The following NFATC1 variants were observed in gnomAD, a reference collection of about 807,000 sequenced individuals.
NFATC1 encodes nuclear factor of activated T-cells, cytoplasmic 1.
NFATC1 carries 22 observed loss-of-function variants against 76.0 expected under a neutral mutation model. The ratio of observed to expected loss-of-function variants is 0.29; its 90% CI spans 0.21 to 0.41. The LOEUF (loss-of-function observed/expected upper bound fraction) is 0.41. Among genes scored for constraint, NFATC1 ranks in the 10% least tolerant of loss-of-function variants. NFATC1 has a pLI of 1.00. For missense variants in NFATC1, 1,357 were observed against 1,337.7 expected, an observed-to-expected ratio of 1.01 and a Z score of -0.23; for synonymous variants, 704 against 613.1, an observed-to-expected ratio of 1.15 and a Z score of -2.19.
In NFATC1 at chr18:79,472,077, G is replaced by T. The variant is rs1345166535; in HGVS notation, c.2092+4495G>T. Among the ~76,000 whole-genome samples, 3 of 152,182 alleles carry T rather than the reference G, an allele frequency of 2.0e-5. 1 individual carries two copies. Among genetic ancestry groups the T allele is most frequent in the Non-Finnish European group, 4.4e-5 (3 of 68,028 alleles). ...GGCATCGGAGAGGTGTTGGTACAGA[G>T]GGAGCCGGGGTCCTGTGGCCTTGGG... On this transcript the variant is annotated intron_variant, in intron 8 of 9. Coordinates refer to ENST00000427363, the MANE Select transcript of NFATC1 (RefSeq NM_001278669.2).
chr18:79,493,552 G>C (rs891936331), intron 9 of NFATC1: 3 of 152,268 alleles, frequency 2.0e-5, no homozygotes, highest in Non-Finnish European at 4.4e-5. Flanking sequence ...CGAGCAGGTA[G>C]ACGAGGCGGC....
chr18:79,409,344 CCATCCATCCAT>C (rs1195079841), intron 1 of NFATC1, among the ~76,000 whole-genome samples: 13 of 150,814 alleles, frequency 8.6e-5, no homozygotes, highest in Non-Finnish European at 1.6e-4. Flanking sequence ...ATCCATCCAT[CCATCCATCCAT>C]CATCATTCAT....
chr18:79,445,303 C>T (rs1298358792), intron 3 of NFATC1, among the ~76,000 whole-genome samples: 9 of 152,232 alleles, frequency 5.9e-5, no homozygotes, highest in African/African-American at 2.2e-4. Flanking sequence ...GCAGCAGTGG[C>T]TGCCGTATCA....
intron 2 of NFATC1, among the ~76,000 whole-genome samples, chr18:79,430,146 C>T (rs1392211260): frequency 6.6e-6 from 1 of 152,356 alleles, no homozygotes; most frequent in Admixed American, 6.5e-5. Flanking sequence ...GTGTCCTTGT[C>T]ATAAAGTGAC....
rs1568994866 is a variant in NFATC1, at chr18:79,464,710, A to ATATT, written c.1960-2739_1960-2738insATTT. Among the ~76,000 whole-genome samples, 203 of 91,994 alleles carry ATATT rather than the reference A, an allele frequency of 2.2e-3. 3 individuals carry two copies. The highest frequency in any genetic ancestry group is 8.9e-3 in the African/African-American group (197 of 22,072). The allele number at this position is 91,994 out of a possible 152,430, so 60.4% of individuals were successfully genotyped here. On this transcript the variant is annotated intron_variant, in intron 7 of 9. Coordinates refer to ENST00000427363, the MANE Select transcript of NFATC1 (RefSeq NM_001278669.2). ...TATATATATATTTATTTATTTATTTATTTTTTTTTTTTTGAGACAGGGTCT... is the reference window on the plus strand; with the variant it reads ...TATATATATATTTATTTATTTATTTATATTTTTTTTTTTTTTTGAGACAGGGTCT...
chr18:79,484,017 A>G (rs759439530), intron 8 of NFATC1, among the ~76,000 whole-genome samples: 1 of 148,832 alleles, frequency 6.7e-6, no homozygotes, highest in Non-Finnish European at 1.5e-5. Context: ...GTGTCACTCC[A>G]ACGTGACCTG....
At position 79,396,230 on chromosome 18, in the gene NFATC1, A is replaced by G; in HGVS notation, c.6A>G (p.Pro2=). The G allele has an allele frequency of 6.8e-7, 1 of 1,480,596 alleles. No homozygotes were observed. The highest frequency in any genetic ancestry group is 9.0e-7 in the Non-Finnish European group (1 of 1,106,800). 91.7% of individuals were successfully genotyped at this position (1,480,596 alleles called of 1,614,324 possible). Residue 2 remains proline, a synonymous_variant, in exon 1 of 10, where the codon CCA becomes CCG. Transcript: ENST00000427363. The part of the protein sequence containing the change: M[P]STSFPVPSKF... The stretch of plus-strand genomic sequence containing the variant: ...TCCCCGCCGCCGCCGCGCGGATGCC[A>G]AGCACCAGCTTTCCAGTCCCTTCCA...
At chr18:79,498,234 T>G (rs952621701) in intron 9 of NFATC1, 3 of 152,132 alleles carry the variant, frequency 2.0e-5, no homozygotes, top group African/African-American at 7.2e-5. Flanking sequence ...CAGCAAAGGC[T>G]TTAAATCAGC....
At chr18:79,447,627 G>A (rs2087268912) in intron 3 of NFATC1, among the ~76,000 whole-genome samples, 1 of 152,166 alleles carries the variant, frequency 6.6e-6, no homozygotes, top group African/African-American at 2.4e-5. Flanking sequence ...ATGCAGAAGG[G>A]AAGGCACTCT....
At chr18:79,490,713 G>C (rs1346045051) in intron 9 of NFATC1, among the ~76,000 whole-genome samples, 1 of 152,196 alleles carries the variant, frequency 6.6e-6, no homozygotes, top group Non-Finnish European at 1.5e-5. Flanking sequence ...AGCCGTAGAT[G>C]GGTCGCTGCC....
At chr18:79,451,930 G>T in intron 6 of NFATC1, 114 bp downstream of exon 6, 1 of 1,349,294 alleles carries the variant, frequency 7.4e-7, no homozygotes, top group Non-Finnish European at 1.0e-6. Context: ...GGGGCTTATG[G>T]GGTGTGGCAC....
At chr18:79,436,520 C>G (rs62096886) in intron 3 of NFATC1, among the ~76,000 whole-genome samples, 56,362 of 151,274 alleles carry the variant, frequency 0.37, 12,763 homozygotes, top group South Asian at 0.57. Context: ...CCCGGTATCC[C>G]CGTCCTCCCG....
intron 9 of NFATC1, among the ~76,000 whole-genome samples, chr18:79,506,109 G>A (rs1053530697): frequency 2.0e-5 from 3 of 152,170 alleles, no homozygotes; most frequent in East Asian, 1.9e-4. Flanking sequence ...GCAATGCCAC[G>A]TGCTTTTTAC....
At chr18:79,429,368 C>CT (rs570144791) in intron 2 of NFATC1, among the ~76,000 whole-genome samples, 2,267 of 149,704 alleles carry the variant, frequency 0.015, 20 homozygotes, top group Middle Eastern at 0.035. Context: ...TTCACCCGAG[C>CT]TTTTTTTTTT....
intron 2 of NFATC1, 35 bp downstream of exon 2, chr18:79,411,536 AGGGGAGGCGCGGGGCGGGGCGGAACGC>A: frequency 2.4e-6 from 3 of 1,262,002 alleles, no homozygotes; most frequent in Non-Finnish European, 3.1e-6. Context: ...CGGGGAGGCG[AGGGGAGGCGCGGGGCGGGGCGGAACGC>A]GGGGAGCGGG....
chr18:79,474,081 C>A (rs2088915757), intron 8 of NFATC1, among the ~76,000 whole-genome samples: 1 of 143,706 alleles, frequency 7.0e-6, no homozygotes, highest in Non-Finnish European at 1.5e-5. Context: ...AGCGTGTTCT[C>A]ACGCTCACTG....
At chr18:79,431,426 C>G (rs971646364) in intron 2 of NFATC1, among the ~76,000 whole-genome samples, 2 of 152,160 alleles carry the variant, frequency 1.3e-5, no homozygotes, top group East Asian at 1.9e-4. Context: ...GATCTTGGCT[C>G]ACTGCCATCT....
intron 7 of NFATC1, 114 bp downstream of exon 7, chr18:79,461,480 T>G: frequency 1.5e-6 from 1 of 668,526 alleles, no homozygotes; most frequent in South Asian, 1.9e-5. Context: ...TTCCTGTTTC[T>G]TAGAATGAAA....
chr18:79,517,371 C>T (rs2090407810), intron 9 of NFATC1, among the ~76,000 whole-genome samples: 1 of 152,176 alleles, frequency 6.6e-6, no homozygotes, highest in Admixed American at 6.5e-5. Context: ...GATGACTTGT[C>T]CTCTGAAGAA....
Sources: gnomAD v4.1 joint callset for allele counts (sites outside exome capture counted in the v4.1 genomes callset) on GRCh38, gnomAD v4.1.1 for gene constraint, MANE v1.5 for transcripts, NCBI Gene and HGNC (gene_info 2026-07-23, HGNC 2026-07-21) for gene names.